The following ADCY2 variants were observed in gnomAD, a reference collection of about 807,000 sequenced individuals.
ADCY2 encodes adenylate cyclase type 2.
Under a neutral mutation model 125.2 loss-of-function variants are expected in ADCY2, and 31 were observed. That is an observed-to-expected ratio of 0.25 (90% CI 0.19 to 0.33). The LOEUF (loss-of-function observed/expected upper bound fraction) is 0.33. Ranked by LOEUF, ADCY2 falls within the 10% of genes least tolerant of loss-of-function variation. ADCY2 has a pLI of 1.00. For missense variants in ADCY2, 904 were observed against 1,418.2 expected (o/e 0.64, Z 5.82); for synonymous variants, 512 against 548.4 (o/e 0.93, Z 0.93).
intron 13 of ADCY2, among the ~76,000 whole-genome samples, chr5:7,726,419 G>A (rs1353345621): frequency 6.6e-6 from 1 of 152,164 alleles, no homozygotes; most frequent in Non-Finnish European, 1.5e-5. Flanking sequence ...GGAATGCAGG[G>A]CACTGTGCTG....
In ADCY2 at chr5:7,827,991, T is replaced by A. The variant is rs1454428466; in HGVS notation, c.*1120T>A. ...GAGAGAAGTACTAAGACCCACAAAC[T>A]GCCTGTTAAGTCTGAGAAGGCTAAA... is the stretch of plus-strand genomic sequence containing the variant. On this transcript the variant is annotated 3_prime_UTR_variant, in exon 25 of 25. Coordinates refer to ENST00000338316, the MANE Select transcript of ADCY2 (RefSeq NM_020546.3). 1.3e-5 allele frequency: 2 copies of A among 152,802 alleles called. No individual in the cohort carries two copies. Among genetic ancestry groups the A allele is most frequent in the African/African-American group, 4.8e-5 (2 of 41,460 alleles). 9.5% of individuals were successfully genotyped at this position (152,802 alleles called of 1,614,324 possible).
At chr5:7,704,276 C>G (rs1428774934) in intron 7 of ADCY2, among the ~76,000 whole-genome samples, 6 of 152,208 alleles carry the variant, frequency 3.9e-5, no homozygotes, top group Admixed American at 1.3e-4. Context: ...GAGTCCCAGA[C>G]AGCTGCCTGC....
chr5:7,444,199 C>T (rs1194638731), intron 2 of ADCY2, among the ~76,000 whole-genome samples: 8 of 150,664 alleles, frequency 5.3e-5, no homozygotes, highest in Admixed American at 3.3e-4. Flanking sequence ...CTGCAAGCTC[C>T]GCCTCCCGGG....
At chr5:7,774,410 A>G (rs1366017405) in intron 18 of ADCY2, among the ~76,000 whole-genome samples, 1 of 152,246 alleles carries the variant, frequency 6.6e-6, no homozygotes, top group Non-Finnish European at 1.5e-5. Context: ...TATATCCAGA[A>G]AGCCTGTGTT....
At chr5:7,753,000 G>C (rs1003092019) in intron 15 of ADCY2, among the ~76,000 whole-genome samples, 1 of 149,516 alleles carries the variant, frequency 6.7e-6, no homozygotes, top group African/African-American at 2.5e-5. Flanking sequence ...CCGGGTTCAA[G>C]CAGTTTTCCT....
intron 2 of ADCY2, among the ~76,000 whole-genome samples, chr5:7,442,147 T>G (rs749789138): frequency 6.6e-6 from 1 of 152,172 alleles, no homozygotes; most frequent in African/African-American, 2.4e-5. Flanking sequence ...CGTCTGTTGT[T>G]TGCATTTGGT....
At chr5:7,621,582 C>T (rs1255016225) in intron 3 of ADCY2, among the ~76,000 whole-genome samples, 1 of 152,092 alleles carries the variant, frequency 6.6e-6, no homozygotes, top group African/African-American at 2.4e-5. Context: ...CCTTTTGTTG[C>T]CTCGTCTATA....
At chr5:7,763,636 C>A (rs905421448) in intron 16 of ADCY2, among the ~76,000 whole-genome samples, 2 of 152,120 alleles carry the variant, frequency 1.3e-5, no homozygotes, top group Non-Finnish European at 2.9e-5. Flanking sequence ...ATGAATTTGC[C>A]TATTCTAGGG....
intron 2 of ADCY2, among the ~76,000 whole-genome samples, chr5:7,490,728 C>A (rs1743132754): frequency 6.6e-6 from 1 of 152,056 alleles, no homozygotes; most frequent in African/African-American, 2.4e-5. Flanking sequence ...TATTGCCTGA[C>A]AGATGGTTAA....
At chr5:7,431,054 T>C (rs1561021779) in intron 2 of ADCY2, among the ~76,000 whole-genome samples, 1 of 152,120 alleles carries the variant, frequency 6.6e-6, no homozygotes, top group Non-Finnish European at 1.5e-5. Context: ...AGTAGGAAGC[T>C]GGTTCTAAAA....
At chr5:7,513,077 T>TCACACA (rs1358225183) in intron 2 of ADCY2, among the ~76,000 whole-genome samples, 13 of 32,210 alleles carry the variant, frequency 4.0e-4, no homozygotes, top group African/African-American at 1.0e-3. Flanking sequence ...GGAAAATACA[T>TCACACA]GACACACACA....
At chr5:7,704,687 A>G (rs988676551) in intron 7 of ADCY2, among the ~76,000 whole-genome samples, 3 of 152,014 alleles carry the variant, frequency 2.0e-5, no homozygotes, top group Non-Finnish European at 4.4e-5. Flanking sequence ...AGACCATCCT[A>G]GCTGACACGC....
At chr5:7,617,358 A>G (rs1396515067) in intron 3 of ADCY2, among the ~76,000 whole-genome samples, 1 of 152,224 alleles carries the variant, frequency 6.6e-6, no homozygotes, top group African/African-American at 2.4e-5. Context: ...CTGCAAGCCA[A>G]GGAGAGAGGC....
intron 3 of ADCY2, among the ~76,000 whole-genome samples, chr5:7,533,080 C>T (rs964368860): frequency 1.2e-4 from 18 of 148,790 alleles, no homozygotes; most frequent in Admixed American, 8.8e-4. Flanking sequence ...CATATATAAA[C>T]ATATATGTAT....
At chr5:7,494,161 G>A (rs1743264493) in intron 2 of ADCY2, among the ~76,000 whole-genome samples, 1 of 152,110 alleles carries the variant, frequency 6.6e-6, no homozygotes. Flanking sequence ...CAGCCCTCAG[G>A]TGCTTTTTTC....
chr5:7,672,065 TC>T (rs1395178414), intron 4 of ADCY2, among the ~76,000 whole-genome samples: 1 of 152,126 alleles, frequency 6.6e-6, no homozygotes, highest in Non-Finnish European at 1.5e-5. Context: ...CGTGGCCAGG[TC>T]CCTGCATAAG....
chr5:7,640,281 A>T (rs967170098), intron 4 of ADCY2, among the ~76,000 whole-genome samples: 1 of 152,198 alleles, frequency 6.6e-6, no homozygotes, highest in African/African-American at 2.4e-5. Context: ...GGTCAGTAAA[A>T]AAAGGCAAAT....
chr5:7,790,907 G>A (rs898853045), intron 20 of ADCY2, among the ~76,000 whole-genome samples: 1 of 152,138 alleles, frequency 6.6e-6, no homozygotes, highest in Non-Finnish European at 1.5e-5. Flanking sequence ...AGAGGAGTCA[G>A]GAAAAGCCCA....
chr5:7,635,349 T>G (rs1261696749), intron 4 of ADCY2, among the ~76,000 whole-genome samples: 1 of 152,104 alleles, frequency 6.6e-6, no homozygotes, highest in Non-Finnish European at 1.5e-5. Flanking sequence ...AGGAATAGCT[T>G]GGGTGAGAGT....
Sources: allele counts gnomAD v4.1 joint callset (sites outside exome capture counted in the v4.1 genomes callset), GRCh38; gene constraint gnomAD v4.1.1; transcripts MANE v1.5; gene names NCBI Gene and HGNC (gene_info 2026-07-23, HGNC 2026-07-21).